MDGA2: variants seen among roughly 807,000 people sequenced by gnomAD.
MDGA2 encodes the protein MAM domain-containing glycosylphosphatidylinositol anchor protein 2.
Under a neutral mutation model 117.8 loss-of-function variants are expected in MDGA2, and 40 were observed. The observed-to-expected ratio is 0.34, with a 90% confidence interval of 0.26 to 0.44. The LOEUF (loss-of-function observed/expected upper bound fraction) is 0.44. Among genes scored for constraint, MDGA2 ranks in the 20% least tolerant of loss-of-function variants. The pLI is 1.00. For missense variants in MDGA2, 1,123 were observed against 1,250.6 expected (o/e 0.90, Z 1.54); for synonymous variants, 452 against 439.0 (o/e 1.03, Z -0.37).
chr14:47,512,612 T>C (rs546446963), intron 1 of MDGA2, among the ~76,000 whole-genome samples: 7 of 152,314 alleles, frequency 4.6e-5, no homozygotes, highest in African/African-American at 1.4e-4. Context: ...CCATACTTAA[T>C]AGTATTTTAA....
chr14:47,199,847 T>A (rs186782701), intron 3 of MDGA2, among the ~76,000 whole-genome samples: 61 of 152,276 alleles, frequency 4.0e-4, no homozygotes, highest in African/African-American at 1.4e-3. Flanking sequence ...ATGTATGACA[T>A]TTCTACTTCA....
intron 3 of MDGA2, among the ~76,000 whole-genome samples, chr14:47,203,242 G>A (rs1012916120): frequency 1.6e-4 from 24 of 152,054 alleles, no homozygotes; most frequent in Admixed American, 1.4e-3. Context: ...ATTTATAGGT[G>A]TTCAGGGTGA....
chr14:47,500,923 T>C (rs1894386321), intron 1 of MDGA2, among the ~76,000 whole-genome samples: 1 of 152,130 alleles, frequency 6.6e-6, no homozygotes, highest in South Asian at 2.1e-4. Context: ...AAAATTACTA[T>C]TTTGAAACCC....
chr14:47,300,583 G>A (rs186086468), intron 2 of MDGA2, among the ~76,000 whole-genome samples: 1 of 151,856 alleles, frequency 6.6e-6, no homozygotes, highest in Admixed American at 6.6e-5. Flanking sequence ...TTGACCTCCT[G>A]GGCTTAAGTG....
At chr14:47,281,036 TATA>T (rs1329790323) in intron 2 of MDGA2, among the ~76,000 whole-genome samples, 1 of 147,830 alleles carries the variant, frequency 6.8e-6, no homozygotes, top group African/African-American at 2.5e-5. Flanking sequence ...ATATAATTAA[TATA>T]ATATAAAATT....
chr14:46,896,974 CA>C (rs1234667790), intron 10 of MDGA2, among the ~76,000 whole-genome samples: 2 of 152,114 alleles, frequency 1.3e-5, no homozygotes, highest in Non-Finnish European at 2.9e-5. Context: ...TACATCTTTT[CA>C]GTAGTAACTA....
intron 8 of MDGA2, among the ~76,000 whole-genome samples, chr14:46,982,100 G>C (rs1886693758): frequency 6.6e-6 from 1 of 152,172 alleles, no homozygotes; most frequent in South Asian, 2.1e-4. Context: ...CATAGTATTT[G>C]AGTGATGTCA....
chr14:47,200,532 TTC>T (rs1374242425), intron 3 of MDGA2: 1 of 612,934 alleles, frequency 1.6e-6, no homozygotes, highest in East Asian at 3.2e-5. Context: ...TCTTTTTCTT[TTC>T]TTTTTTTTTT....
chr14:47,085,716 T>C (rs1335878567), intron 6 of MDGA2, among the ~76,000 whole-genome samples: 1 of 152,082 alleles, frequency 6.6e-6, no homozygotes, highest in African/African-American at 2.4e-5. Flanking sequence ...AACAACTTTA[T>C]ATTAATAAAC....
At chr14:47,469,341 T>TC (rs1893670348) in intron 1 of MDGA2, among the ~76,000 whole-genome samples, 1 of 152,104 alleles carries the variant, frequency 6.6e-6, no homozygotes, top group Non-Finnish European at 1.5e-5. Context: ...GTGTGTGAGT[T>TC]CCCCTTCCTG....
chr14:47,172,697 G>GA (rs199863874), intron 3 of MDGA2, among the ~76,000 whole-genome samples: 6,865 of 152,108 alleles, frequency 0.045, 231 homozygotes, highest in East Asian at 0.17. Flanking sequence ...CAAAGATGGG[G>GA]AAAAAACAGA....
At chr14:46,990,944 T>C (rs1887072440) in intron 8 of MDGA2, among the ~76,000 whole-genome samples, 1 of 151,148 alleles carries the variant, frequency 6.6e-6, no homozygotes, top group Admixed American at 6.6e-5. Flanking sequence ...CAAGAGATCA[T>C]TGATTGTTTC....
chr14:46,887,421 C>T (rs986745248), intron 10 of MDGA2, among the ~76,000 whole-genome samples: 2 of 151,892 alleles, frequency 1.3e-5, no homozygotes, highest in African/African-American at 2.4e-5. Context: ...ATACTGCTCC[C>T]TTAATTGTTT....
intron 3 of MDGA2, among the ~76,000 whole-genome samples, chr14:47,174,747 G>A (rs917814180): frequency 6.6e-5 from 10 of 151,990 alleles, no homozygotes; most frequent in Non-Finnish European, 1.2e-4. Context: ...AGCCAGAAAA[G>A]CAAGAGCAAA....
chr14:46,909,158 C>T (rs1883605118), intron 10 of MDGA2, among the ~76,000 whole-genome samples: 1 of 152,122 alleles, frequency 6.6e-6, no homozygotes, highest in Non-Finnish European at 1.5e-5. Context: ...CATAATAGAA[C>T]ATAATACATT....
intron 8 of MDGA2, among the ~76,000 whole-genome samples, chr14:46,981,859 G>A (rs1425217564): frequency 6.6e-6 from 1 of 152,116 alleles, no homozygotes; most frequent in East Asian, 1.9e-4. Context: ...ATGGGTCTTG[G>A]TTAACTAAAA....
At chr14:47,212,123 A>C (rs1885906640) in intron 3 of MDGA2, among the ~76,000 whole-genome samples, 1 of 152,158 alleles carries the variant, frequency 6.6e-6, no homozygotes, top group Non-Finnish European at 1.5e-5. Context: ...ATTAACCTAA[A>C]GAGTTTTATT....
At chr14:46,970,138 A>G (rs1253119060) in intron 8 of MDGA2, among the ~76,000 whole-genome samples, 1 of 151,882 alleles carries the variant, frequency 6.6e-6, no homozygotes, top group Non-Finnish European at 1.5e-5. Context: ...AGCAATCTAT[A>G]GATTCAAAGC....
chr14:47,395,027 T>C (rs540012304), intron 1 of MDGA2, among the ~76,000 whole-genome samples: 2 of 152,166 alleles, frequency 1.3e-5, no homozygotes, highest in East Asian at 1.9e-4. Context: ...TGGGGCCTCA[T>C]GCCTATGGTC....
Sources: allele counts gnomAD v4.1 joint callset (sites outside exome capture counted in the v4.1 genomes callset), GRCh38; gene constraint gnomAD v4.1.1; transcripts MANE v1.5; gene names NCBI Gene and HGNC (gene_info 2026-07-23, HGNC 2026-07-21).